Variants in PCDHGA12 observed in about 807,000 individuals in gnomAD.
PCDHGA12 encodes the protein protocadherin gamma subfamily A, 12, also known as protocadherin gamma-A12.
A neutral mutation model predicts 61.1 loss-of-function variants in PCDHGA12; 43 were observed. That is an observed-to-expected ratio of 0.70 (90% CI 0.55 to 0.91). The LOEUF is 0.91. PCDHGA12 is among the 40% of genes least tolerant of loss of function. The pLI is 0.00. For missense variants in PCDHGA12, 1,236 were observed against 1,227.7 expected, an observed-to-expected ratio of 1.01 and a Z score of -0.10; for synonymous variants, 520 against 542.9, an observed-to-expected ratio of 0.96 and a Z score of 0.59.
intron 3 of PCDHGA12, 93 bp downstream of exon 3, chr5:141,505,574 C>G: frequency 6.3e-7 from 1 of 1,593,636 alleles, no homozygotes; most frequent in South Asian, 1.1e-5. Flanking sequence ...GGATGTCAAA[C>G]CTGTGTAGTT....
At chr5:141,469,782 G>A (rs760985231) in intron 1 of PCDHGA12, among the ~76,000 whole-genome samples, 8 of 152,204 alleles carry the variant, frequency 5.3e-5, no homozygotes, top group African/African-American at 1.7e-4. Context: ...TTATTACAGC[G>A]TTATTTGTAA....
Position 141,476,220 on chromosome 5 carries a change from A to G in PCDHGA12, c.2425-18587A>G, listed in dbSNP as rs770978000. On this transcript the variant is annotated intron_variant, in intron 1 of 3. Coordinates refer to ENST00000252085, the MANE Select transcript of PCDHGA12 (RefSeq NM_003735.3). This position sits in a 1 kb window ranked among gnomAD's most constrained non-coding sequence, Gnocchi z 7.6. Reference sequence around the variant, plus strand: ...AACAAGGCTTCCACGGTCATTCACTATGAGATCCCGGAGGAAAGAGAGAAG... The same window carrying G: ...AACAAGGCTTCCACGGTCATTCACTGTGAGATCCCGGAGGAAAGAGAGAAG... 44 of 1,613,884 alleles carry G rather than the reference A, an allele frequency of 2.7e-5. No individual in the cohort carries two copies. The highest frequency in any genetic ancestry group is 3.4e-5 in the Non-Finnish European group (40 of 1,180,004).
chr5:141,457,054 T>C (rs1410535170), intron 1 of PCDHGA12, among the ~76,000 whole-genome samples: 1 of 152,242 alleles, frequency 6.6e-6, no homozygotes, highest in Non-Finnish European at 1.5e-5. Context: ...ACTTTCATGC[T>C]TCCTTTTTGC....
At chr5:141,433,560 G>A (rs1276743163) in intron 1 of PCDHGA12, among the ~76,000 whole-genome samples, 1 of 152,110 alleles carries the variant, frequency 6.6e-6, no homozygotes, top group East Asian at 1.9e-4. Flanking sequence ...TTCTGGCTGG[G>A]CGCGGTGGCT....
At chr5:141,437,032 C>T (rs2097859215) in intron 1 of PCDHGA12, among the ~76,000 whole-genome samples, 1 of 152,182 alleles carries the variant, frequency 6.6e-6, no homozygotes, top group Admixed American at 6.5e-5. Context: ...GAAAATGGAT[C>T]ACCGAAACCA....
intron 2 of PCDHGA12, 54 bp downstream of exon 2, chr5:141,494,919 T>A: frequency 6.2e-7 from 1 of 1,613,926 alleles, no homozygotes; most frequent in South Asian, 1.1e-5. Flanking sequence ...TTCTCAGGGA[T>A]GACGTGGGAG....
intron 1 of PCDHGA12, among the ~76,000 whole-genome samples, chr5:141,437,886 C>A (rs763669578): frequency 6.6e-6 from 1 of 152,022 alleles, no homozygotes; most frequent in Non-Finnish European, 1.5e-5. Flanking sequence ...TACAGGCACA[C>A]GCCACCACAC....
intron 2 of PCDHGA12, among the ~76,000 whole-genome samples, chr5:141,500,793 A>G (rs1245472175): frequency 6.6e-6 from 1 of 152,210 alleles, no homozygotes; most frequent in Non-Finnish European, 1.5e-5. Context: ...ATTTTACAGA[A>G]TAAGTCCTCA....
rs1012790217 is a variant in PCDHGA12 at position 141,432,087 on chromosome 5, C to T, written c.1328C>T (p.Ala443Val). The change falls in exon 1 of 4, where the codon GCA becomes GTA. Residue 443 changes from alanine to valine, a missense_variant. Coordinates refer to ENST00000252085, the MANE Select transcript of PCDHGA12 (RefSeq NM_003735.3). This position sits in a 1 kb window ranked among gnomAD's most constrained non-coding sequence, Gnocchi z 6.0. ...GAAACTCATATCTCGCTGAACGTGG[C>T]AGACACCAACGACAACCCGCCGGTC... is the stretch of plus-strand genomic sequence containing the variant. ...STETHISLNV[A>V]DTNDNPPVFP... The T allele has an allele frequency of 2.5e-6, 4 of 1,614,060 alleles. No homozygotes were observed. The African/African-American group carries it at 4.0e-5, about 16-fold the overall frequency.
Position 141,491,414 on chromosome 5 carries a change from G to A in PCDHGA12, c.2425-3393G>A. On this transcript the variant is annotated intron_variant, in intron 1 of 3. Coordinates refer to ENST00000252085, the MANE Select transcript of PCDHGA12 (RefSeq NM_003735.3). The surrounding 1 kb of genome is among the most constrained non-coding windows in gnomAD (Gnocchi z 6.9). ...CTTCAGGGAAACGCAGACGGGGACGGGGGTGGAGGGCAGTGCTGCAGGCGC... is the reference window on the plus strand; with the variant it reads ...CTTCAGGGAAACGCAGACGGGGACGAGGGTGGAGGGCAGTGCTGCAGGCGC... 2 of 1,614,126 alleles carry A rather than the reference G, an allele frequency of 1.2e-6. No individual in the cohort carries two copies. Among genetic ancestry groups the A allele is most frequent in the Non-Finnish European group, 1.7e-6 (2 of 1,180,022 alleles).
intron 1 of PCDHGA12, among the ~76,000 whole-genome samples, chr5:141,456,843 A>G (rs2098891742): frequency 6.6e-6 from 1 of 152,030 alleles, no homozygotes. Context: ...GGCGCCTGTA[A>G]TCCCAGCTAA....
chr5:141,476,554 G>A lies in PCDHGA12; in HGVS notation c.2425-18253G>A. On this transcript the variant is annotated intron_variant, in intron 1 of 3. Transcript: ENST00000252085. This position sits in a 1 kb window ranked among gnomAD's most constrained non-coding sequence, Gnocchi z 7.6. The stretch of plus-strand genomic sequence containing the variant: ...AGGAAATGAAATTGGAGATTAGCGA[G>A]GCCGTGGCTCCGGGGACGCGCTTTC... 1 of 1,614,232 alleles carries A rather than the reference G, an allele frequency of 6.2e-7. No individual in the cohort carries two copies. Among genetic ancestry groups the A allele is most frequent in the Non-Finnish European group, 8.5e-7 (1 of 1,180,036 alleles).
At chr5:141,498,194 T>C (rs1014641829) in intron 2 of PCDHGA12, among the ~76,000 whole-genome samples, 16 of 152,254 alleles carry the variant, frequency 1.1e-4, no homozygotes, top group African/African-American at 3.6e-4. Context: ...ATTAACCAGC[T>C]AAAGAAAAGA....
intron 3 of PCDHGA12, among the ~76,000 whole-genome samples, chr5:141,506,799 A>G (rs1026030023): frequency 5.3e-5 from 8 of 152,198 alleles, no homozygotes; most frequent in Admixed American, 3.9e-4. Flanking sequence ...CTGGCAGAGG[A>G]TCAAGGCATT....
Position 141,489,575 on chromosome 5 carries a change from AC to A in PCDHGA12, c.2425-5227del. On this transcript the variant is annotated intron_variant, in intron 1 of 3. Coordinates refer to ENST00000252085, the MANE Select transcript of PCDHGA12 (RefSeq NM_003735.3). This position sits in a 1 kb window ranked among gnomAD's most constrained non-coding sequence, Gnocchi z 4.5. ...CTGCCAGTGCAGGTGGTGACTGAAC[AC>A]CCCCTGGAGCTAATCCGTGTAGAGG... 1 of 1,613,788 alleles carries A rather than the reference AC, an allele frequency of 6.2e-7. No individual in the cohort carries two copies. Among genetic ancestry groups the A allele is most frequent in the Middle Eastern group, 1.6e-4 (1 of 6,062 alleles).
chr5:141,457,045 C>T (rs1489830197), intron 1 of PCDHGA12, among the ~76,000 whole-genome samples: 1 of 152,198 alleles, frequency 6.6e-6, no homozygotes, highest in African/African-American at 2.4e-5. Context: ...GATAGTAAAA[C>T]TTTCATGCTT....
At chr5:141,440,859 T>C (rs1272611201) in intron 1 of PCDHGA12, 1 of 152,076 alleles carries the variant, frequency 6.6e-6, no homozygotes, top group Non-Finnish European at 1.5e-5. Context: ...CCTGTGTTCA[T>C]CTAGGATGTG....
chr5:141,435,334 T>A (rs1223377462), intron 1 of PCDHGA12, among the ~76,000 whole-genome samples: 1 of 152,196 alleles, frequency 6.6e-6, no homozygotes, highest in African/African-American at 2.4e-5. Flanking sequence ...ATATAGTGAA[T>A]TTATTTCTTC....
intron 3 of PCDHGA12, 85 bp from the exon 4 acceptor site, chr5:141,510,862 C>A: frequency 6.2e-7 from 1 of 1,606,772 alleles, no homozygotes. Context: ...GCTGTATAGG[C>A]ATTCATTAAC....
Sources: gnomAD v4.1 joint callset for allele counts (sites outside exome capture counted in the v4.1 genomes callset) on GRCh38, gnomAD v4.1.1 for gene constraint, Gnocchi (gnomAD v3.1) non-coding constraint, MANE v1.5 for transcripts, NCBI Gene and HGNC (gene_info 2026-07-23, HGNC 2026-07-21) for gene names.